Variants in RAP1GAP2 observed in about 807,000 individuals in gnomAD.
RAP1GAP2 encodes the protein rap1 GTPase-activating protein 2.
Under a neutral mutation model 95.0 loss-of-function variants are expected in RAP1GAP2, and 27 were observed. The observed-to-expected ratio is 0.28, with a 90% CI of 0.21 to 0.39. RAP1GAP2 has a LOEUF of 0.39. Ranked by LOEUF, RAP1GAP2 falls within the 10% of genes least tolerant of loss-of-function variation. RAP1GAP2 has a pLI of 1.00. For missense variants in RAP1GAP2, 771 were observed against 970.0 expected (o/e 0.79, Z 2.72); for synonymous variants, 373 against 380.9 (o/e 0.98, Z 0.24).
intron 3 of RAP1GAP2, among the ~76,000 whole-genome samples, chr17:2,930,676 T>C (rs2043113364): frequency 6.6e-6 from 1 of 152,252 alleles, no homozygotes; most frequent in South Asian, 2.1e-4. Context: ...AGACAAAGGC[T>C]GAGGTCTCTA....
chr17:2,943,007 G>A (rs2043560590), intron 3 of RAP1GAP2, among the ~76,000 whole-genome samples: 1 of 152,048 alleles, frequency 6.6e-6, no homozygotes, highest in South Asian at 2.1e-4. Context: ...GACCTCAAGT[G>A]ATCTGCCCGC....
chr17:3,026,428 A>G lies in RAP1GAP2; in HGVS notation c.1944A>G (p.Ala648=). Residue 648 remains alanine (A), a synonymous_variant, in exon 21 of 25, where the codon GCA becomes GCG. Transcript: ENST00000254695. ...GCACCAGCAGCGTCAGCAGCACTGC[A>G]GGGGAGGGCGAGGCCATGGAGGAGG... ...SSSTSSVSST[A]GEGEAMEEGD... 1 of 1,552,472 alleles carries G rather than the reference A, an allele frequency of 6.4e-7. No individual in the cohort carries two copies. Among genetic ancestry groups the G allele is most frequent in the East Asian group, 2.4e-5 (1 of 41,050 alleles).
chr17:2,857,163 G>C lies in RAP1GAP2; in HGVS notation c.81-48121G>C, dbSNP rs2072176418. ...AGGCCCCTTCTTCTCCTCCCAGAAG[G>C]CTTGATCCATCCATCGATCTTCCCA... is the stretch of plus-strand genomic sequence containing the variant. On this transcript the variant is annotated intron_variant, in intron 2 of 24. Transcript: ENST00000254695. This position sits in a 1 kb window ranked among gnomAD's most constrained non-coding sequence, Gnocchi z 4.0. Among the ~76,000 whole-genome samples the C allele has an allele frequency of 6.6e-6, 1 of 152,174 alleles. No homozygotes were observed. The highest frequency in any genetic ancestry group is 1.5e-5 in the Non-Finnish European group (1 of 68,038).
intron 18 of RAP1GAP2, 86 bp from the exon 19 acceptor site, chr17:3,020,391 G>A: frequency 9.3e-7 from 1 of 1,074,102 alleles, no homozygotes; most frequent in South Asian, 1.4e-5. Context: ...CAGACCAGGA[G>A]CCATTTGTAG....
In RAP1GAP2 at chr17:2,901,461, C is replaced by T. The variant is rs986723835; in HGVS notation, c.81-3823C>T. The stretch of plus-strand genomic sequence containing the variant: ...GGGTCCCTGGGTGGGTCTGGGGCCC[C>T]GCGTCGTTAGAGTTGCATGCGAGTA... On this transcript the variant is annotated intron_variant, in intron 2 of 24. Transcript: ENST00000254695. Among the ~76,000 whole-genome samples, 5 of 152,234 alleles carry T rather than the reference C, an allele frequency of 3.3e-5. No individual in the cohort carries two copies. In the South Asian group the frequency reaches 6.2e-4, roughly 19 times the overall value.
At chr17:3,011,518 A>G (rs1253518652) in intron 17 of RAP1GAP2, among the ~76,000 whole-genome samples, 1 of 150,894 alleles carries the variant, frequency 6.6e-6, no homozygotes, top group African/African-American at 2.4e-5. Context: ...TAGGGAGTTC[A>G]CCCACACCTT....
At chr17:2,849,218 T>A (rs2071718663) in intron 2 of RAP1GAP2, among the ~76,000 whole-genome samples, 1 of 152,188 alleles carries the variant, frequency 6.6e-6, no homozygotes, top group South Asian at 2.1e-4. Flanking sequence ...GGCAAGGCGT[T>A]TGAAGACATC....
chr17:2,967,212 CAAA>C (rs374097822), intron 8 of RAP1GAP2, among the ~76,000 whole-genome samples: 1 of 151,048 alleles, frequency 6.6e-6, no homozygotes, highest in Non-Finnish European at 1.5e-5. Context: ...ACTAAAAATA[CAAA>C]AAAAAATTAG....
intron 2 of RAP1GAP2, among the ~76,000 whole-genome samples, chr17:2,807,664 C>T (rs1455357522): frequency 1.3e-5 from 2 of 152,036 alleles, no homozygotes; most frequent in Admixed American, 6.6e-5. Context: ...GGCAGTGGGG[C>T]GTGAAGCAGC....
chr17:2,774,270 G>C (rs1169881011), upstream of RAP1GAP2, among the ~76,000 whole-genome samples: 2 of 152,124 alleles, frequency 1.3e-5, no homozygotes, highest in African/African-American at 2.4e-5. Flanking sequence ...CAGAGTGAGG[G>C]AAGAGAAGGT....
intron 2 of RAP1GAP2, among the ~76,000 whole-genome samples, chr17:2,885,531 C>A (rs902494364): frequency 6.6e-6 from 1 of 152,212 alleles, no homozygotes; most frequent in Non-Finnish European, 1.5e-5. Flanking sequence ...GGCCCGGCTA[C>A]CCCCACCAAG....
Position 2,874,708 on chromosome 17 carries a change from C to G in RAP1GAP2, c.81-30576C>G, listed in dbSNP as rs572045111. Among the ~76,000 whole-genome samples, 10 of 152,240 alleles carry G rather than the reference C, an allele frequency of 6.6e-5. No individual in the cohort carries two copies. In the East Asian group the frequency reaches 1.9e-3, roughly 29 times the overall value. On this transcript the variant is annotated intron_variant, in intron 2 of 24. Coordinates refer to ENST00000254695, the MANE Select transcript of RAP1GAP2 (RefSeq NM_015085.5). Reference sequence around the variant, plus strand: ...CCCATGGAAACAAAGGAGCAGCCACCCAGCCAGGAAAAGCCCCAAACCCTT... The same window carrying G: ...CCCATGGAAACAAAGGAGCAGCCACGCAGCCAGGAAAAGCCCCAAACCCTT...
At chr17:2,951,893 G>A (rs1190397155) in intron 3 of RAP1GAP2, among the ~76,000 whole-genome samples, 1 of 152,090 alleles carries the variant, frequency 6.6e-6, no homozygotes, top group African/African-American at 2.4e-5. Flanking sequence ...GATTAACTGG[G>A]TTTGGTGGTG....
intron 2 of RAP1GAP2, among the ~76,000 whole-genome samples, chr17:2,889,885 A>ATTTTTTTTT (rs1356255749): frequency 4.5e-5 from 2 of 44,860 alleles, no homozygotes; most frequent in Non-Finnish European, 9.1e-5. Context: ...ATATATATAT[A>ATTTTTTTTT]TATATTTTTT....
chr17:3,023,138 C>G (rs1287597409), intron 19 of RAP1GAP2, among the ~76,000 whole-genome samples: 5 of 152,128 alleles, frequency 3.3e-5, no homozygotes, highest in African/African-American at 1.2e-4. Flanking sequence ...GGTGAATGAT[C>G]TTTTTGATGC....
chr17:2,798,586 C>T (rs1444024645), intron 1 of RAP1GAP2, among the ~76,000 whole-genome samples: 1 of 148,848 alleles, frequency 6.7e-6, no homozygotes, highest in Non-Finnish European at 1.5e-5. Flanking sequence ...CTGGTGTTTT[C>T]CAAGCTCCAT....
In RAP1GAP2 at chr17:2,902,419, G is replaced by T. The variant is rs568607282; in HGVS notation, c.81-2865G>T. Among the ~76,000 whole-genome samples, 22 of 152,230 alleles carry T rather than the reference G, an allele frequency of 1.4e-4. No homozygotes were observed. The South Asian group carries it at 4.3e-3, about 30-fold the overall frequency. ...TTTAGTAGAGACGGGGTTTCGCCAC[G>T]TTGAACAGGCTGGTTTGGAACTCCT... On this transcript the variant is annotated intron_variant, in intron 2 of 24. Transcript: ENST00000254695. This position sits in a 1 kb window ranked among gnomAD's most constrained non-coding sequence, Gnocchi z 4.1.
intron 2 of RAP1GAP2, among the ~76,000 whole-genome samples, chr17:2,842,825 A>C (rs1360576236): frequency 6.6e-6 from 1 of 152,096 alleles, no homozygotes; most frequent in Non-Finnish European, 1.5e-5. Context: ...CCTCCAGCCA[A>C]TCCAATTCTG....
intron 1 of RAP1GAP2, among the ~76,000 whole-genome samples, chr17:2,758,016 C>T (rs1433196333): frequency 2.0e-5 from 3 of 151,878 alleles, no homozygotes; most frequent in Admixed American, 1.3e-4. Flanking sequence ...ACTACAGGTG[C>T]CCGCCACCAC....
Sources: gnomAD v4.1 joint callset for allele counts (sites outside exome capture counted in the v4.1 genomes callset) on GRCh38, gnomAD v4.1.1 for gene constraint, Gnocchi (gnomAD v3.1) non-coding constraint, MANE v1.5 for transcripts, NCBI Gene and HGNC (gene_info 2026-07-23, HGNC 2026-07-21) for gene names.